LMX1B: variants seen among roughly 807,000 people sequenced by gnomAD.
The protein encoded by LMX1B is LIM homeobox transcription factor 1-beta.
Under a neutral mutation model 51.4 loss-of-function variants are expected in LMX1B, and 12 were observed. The observed-to-expected ratio is 0.23, with a 90% confidence interval of 0.15 to 0.38. The LOEUF (loss-of-function observed/expected upper bound fraction) is 0.38. Ranked by LOEUF, LMX1B falls within the 10% of genes least tolerant of loss-of-function variation. The pLI is 1.00. For synonymous variants in LMX1B, 237 were observed against 235.4 expected, an observed-to-expected ratio of 1.01 and a Z score of -0.06; for missense variants, 445 against 571.1, an observed-to-expected ratio of 0.78 and a Z score of 2.25.
chr9:126,637,285 C>T (rs563656117), intron 2 of LMX1B, among the ~76,000 whole-genome samples: 35 of 152,216 alleles, frequency 2.3e-4, no homozygotes, highest in Non-Finnish European at 4.1e-4. Context: ...GCAGGAGCAG[C>T]GCCTGTGTCA....
chr9:126,689,980 C>T (rs948479094), intron 2 of LMX1B, among the ~76,000 whole-genome samples: 3 of 151,982 alleles, frequency 2.0e-5, no homozygotes. Context: ...AATATCTGTT[C>T]GTGATGGAGA....
At chr9:126,633,491 T>A (rs1835665205) in intron 2 of LMX1B, among the ~76,000 whole-genome samples, 1 of 152,102 alleles carries the variant, frequency 6.6e-6, no homozygotes, top group African/African-American at 2.4e-5. Flanking sequence ...GCAGCAAGTC[T>A]CCACAGGACA....
At chr9:126,653,546 T>C (rs952626462) in intron 2 of LMX1B, among the ~76,000 whole-genome samples, 4 of 152,210 alleles carry the variant, frequency 2.6e-5, no homozygotes, top group African/African-American at 9.6e-5. Context: ...CCTGTACCCT[T>C]TGCCCAGTCT....
In LMX1B at chr9:126,614,549, G is replaced by T; in HGVS notation, c.100G>T (p.Ala34Ser). The T allele has an allele frequency of 6.3e-7, 1 of 1,594,906 alleles. No individual in the cohort carries two copies. The highest frequency in any genetic ancestry group is 8.5e-7 in the Non-Finnish European group (1 of 1,171,844). Residue 34 changes from alanine to serine, a missense_variant, in exon 1 of 8, where the codon GCC (alanine) becomes TCC (serine). Ala to Ser is a moderately conservative substitution (Grantham distance 99, BLOSUM62 1). Transcript: ENST00000373474. ...MLDGIKMEEH[A>S]LRPGPATLGV... ...GGACGGCATCAAGATGGAGGAGCAC[G>T]CCCTGCGCCCCGGGCCCGCCACTCT...
rs554664507 is a variant in LMX1B at position 126,693,131 on chromosome 9, G to T, written c.560-11G>T. Reference sequence around the variant, plus strand: ...GCCCCTTCATCACAGGCCGGGTTGTGTCCCCCACAGTGAAGAGCGAGGATG... The same window carrying T: ...GCCCCTTCATCACAGGCCGGGTTGTTTCCCCCACAGTGAAGAGCGAGGATG... On this transcript the variant is annotated splice_polypyrimidine_tract_variant and intron_variant, in intron 3 of 7. Coordinates refer to ENST00000373474, the MANE Select transcript of LMX1B (RefSeq NM_001174147.2). 2.6e-6 allele frequency: 4 copies of T among 1,560,762 alleles called. No homozygotes were observed. Among genetic ancestry groups the T allele is most frequent in the East Asian group, 4.8e-5 (2 of 41,730 alleles).
Position 126,625,062 on chromosome 9 carries a change from C to G in LMX1B, c.326+9493C>G, listed in dbSNP as rs2118846793. ...GCTGTGCCGCTCAAACCGCGGGGCC[C>G]TTTGTCCCACGGAGTGAACGACGGA... On this transcript the variant is annotated intron_variant, in intron 2 of 7. Coordinates refer to ENST00000373474, the MANE Select transcript of LMX1B (RefSeq NM_001174147.2). The surrounding 1 kb of genome is among the most constrained non-coding windows in gnomAD (Gnocchi z 5.3). 6.6e-6 allele frequency among the ~76,000 whole-genome samples: 1 copy of G among 152,348 alleles called. No homozygotes were observed. Among genetic ancestry groups the G allele is most frequent in the East Asian group, 1.9e-4 (1 of 5,186 alleles).
intron 2 of LMX1B, among the ~76,000 whole-genome samples, chr9:126,656,383 TTAGA>T (rs3052900): frequency 0.2 from 29,370 of 143,728 alleles, 3,023 homozygotes; most frequent in East Asian, 0.28. Flanking sequence ...GATCTGGTCT[TTAGA>T]TAGATAGATA....
chr9:126,693,389 AC>A, intron 4 of LMX1B, 66 bp downstream of exon 4: 1 of 1,555,888 alleles, frequency 6.4e-7, no homozygotes, highest in South Asian at 1.1e-5. Context: ...TCTGGAGACC[AC>A]CCCCTGCTCC....
At chr9:126,687,914 G>A (rs537442002) in intron 2 of LMX1B, among the ~76,000 whole-genome samples, 7 of 152,108 alleles carry the variant, frequency 4.6e-5, no homozygotes, top group Non-Finnish European at 4.4e-5. Flanking sequence ...AGGGAACCCC[G>A]CTGGTATCCC....
At chr9:126,645,558 C>T (rs1835884276) in intron 2 of LMX1B, among the ~76,000 whole-genome samples, 1 of 152,204 alleles carries the variant, frequency 6.6e-6, no homozygotes, top group Non-Finnish European at 1.5e-5. Context: ...CCTACACAAC[C>T]ACATAGGGCA....
At chr9:126,623,676 C>T (rs1835461512) in intron 2 of LMX1B, among the ~76,000 whole-genome samples, 1 of 152,218 alleles carries the variant, frequency 6.6e-6, no homozygotes, top group South Asian at 2.1e-4. Flanking sequence ...TGTTGCTAAT[C>T]TCCCCCAGAA....
At chr9:126,617,714 G>A (rs1835329821) in intron 2 of LMX1B, among the ~76,000 whole-genome samples, 1 of 152,144 alleles carries the variant, frequency 6.6e-6, no homozygotes, top group Non-Finnish European at 1.5e-5. Flanking sequence ...AGTCCGGTGT[G>A]TTGAGAATGA....
At chr9:126,657,225 A>G (rs2118913648) in intron 2 of LMX1B, among the ~76,000 whole-genome samples, 1 of 152,382 alleles carries the variant, frequency 6.6e-6, no homozygotes, top group Middle Eastern at 3.4e-3. Flanking sequence ...ACAAAGGTAG[A>G]CATCACCAGC....
At position 126,671,902 on chromosome 9, in the gene LMX1B, C is replaced by T. The variant is rs539124758; in HGVS notation, c.327-18934C>T. Among the ~76,000 whole-genome samples the T allele has an allele frequency of 2.0e-5, 3 of 152,378 alleles. No individual in the cohort carries two copies. The South Asian group carries it at 6.2e-4, about 32-fold the overall frequency. Reference sequence around the variant, plus strand: ...GGGGCAGAGAGGGAATAGAGGTCGGCATTCTCCACCACCCCCTTCTCCTGG... The same window carrying T: ...GGGGCAGAGAGGGAATAGAGGTCGGTATTCTCCACCACCCCCTTCTCCTGG... On this transcript the variant is annotated intron_variant, in intron 2 of 7. Coordinates refer to ENST00000373474, the MANE Select transcript of LMX1B (RefSeq NM_001174147.2). This position sits in a 1 kb window ranked among gnomAD's most constrained non-coding sequence, Gnocchi z 4.4.
chr9:126,642,463 T>C (rs777448091), intron 2 of LMX1B, among the ~76,000 whole-genome samples: 5 of 152,174 alleles, frequency 3.3e-5, no homozygotes, highest in African/African-American at 4.8e-5. Context: ...CACTGTTTCC[T>C]CCACCAAGAA....
chr9:126,620,231 G>A (rs965823789), intron 2 of LMX1B, among the ~76,000 whole-genome samples: 5 of 152,112 alleles, frequency 3.3e-5, no homozygotes, highest in Non-Finnish European at 7.4e-5. Context: ...CTTTCCCTTC[G>A]TAGGACACTG....
intron 2 of LMX1B, among the ~76,000 whole-genome samples, chr9:126,669,813 C>A (rs1588292406): frequency 6.6e-6 from 1 of 152,252 alleles, no homozygotes; most frequent in South Asian, 2.1e-4. Context: ...CATCAGAGCC[C>A]AAAGTTCCTC....
intron 2 of LMX1B, among the ~76,000 whole-genome samples, chr9:126,649,107 C>T (rs1401758870): frequency 6.6e-6 from 1 of 152,136 alleles, no homozygotes; most frequent in Non-Finnish European, 1.5e-5. Context: ...CCCTCACCTA[C>T]AGGCTGACCA....
chr9:126,676,372 G>C (rs1401816645), intron 2 of LMX1B, among the ~76,000 whole-genome samples: 1 of 152,156 alleles, frequency 6.6e-6, no homozygotes, highest in Non-Finnish European at 1.5e-5. Context: ...CTGTCTCCCA[G>C]TGGCTTGTTC....
Sources: gnomAD v4.1 joint callset for allele counts (sites outside exome capture counted in the v4.1 genomes callset) on GRCh38, gnomAD v4.1.1 for gene constraint, Gnocchi (gnomAD v3.1) non-coding constraint, MANE v1.5 for transcripts, NCBI Gene and HGNC (gene_info 2026-07-23, HGNC 2026-07-21) for gene names.